The following PPARGC1A variants were observed in gnomAD, a reference collection of about 807,000 sequenced individuals.
PPARGC1A encodes the protein peroxisome proliferator-activated receptor gamma coactivator 1-alpha.
PPARGC1A carries 25 observed loss-of-function variants against 88.7 expected under a neutral mutation model. The ratio of observed to expected loss-of-function variants is 0.28; its 90% confidence interval spans 0.21 to 0.39. The LOEUF is 0.39. Among genes scored for constraint, PPARGC1A ranks in the 10% least tolerant of loss-of-function variants. The pLI is 1.00. For synonymous variants in PPARGC1A, 363 were observed against 355.6 expected, an observed-to-expected ratio of 1.02 and a Z score of -0.24; for missense variants, 880 against 968.7, an observed-to-expected ratio of 0.91 and a Z score of 1.22.
At position 23,814,394 on chromosome 4, in the gene PPARGC1A, G is replaced by A. The variant is rs756381720; in HGVS notation, c.1089C>T (p.Val363=). 6.2e-7 allele frequency: 1 copy of A among 1,613,920 alleles called. No individual in the cohort carries two copies. The highest frequency in any genetic ancestry group is 1.1e-5 in the South Asian group (1 of 91,060). Residue 363 remains valine, a synonymous_variant, in exon 8 of 13, where the codon GTC becomes GTT. Coordinates refer to ENST00000264867, the MANE Select transcript of PPARGC1A (RefSeq NM_013261.5). ...TCCTTTCCTCGTGTCCACCAGTGAG[G>A]ACTGAGGACTTGCTGAGTTGTGCAT... ...ELYAQLSKSS[V]LTGGHEERKT...
the PPARGC1A span, among the ~76,000 whole-genome samples, chr4:24,221,479 GCT>G: frequency 2.8e-4 from 43 of 152,228 alleles, no homozygotes; most frequent in African/African-American, 9.6e-4. Flanking sequence ...CAAAATCTGT[GCT>G]CTTAGTCATT....
chr4:24,221,196 G>A, the PPARGC1A span, among the ~76,000 whole-genome samples: 12 of 152,084 alleles, frequency 7.9e-5, no homozygotes, highest in South Asian at 8.3e-4. Context: ...GTTTCCCTCC[G>A]AAGAGTTCTG....
At chr4:24,050,975 C>T in the PPARGC1A span, among the ~76,000 whole-genome samples, 1 of 151,946 alleles carries the variant, frequency 6.6e-6, no homozygotes. Flanking sequence ...ATCATGAGGT[C>T]AGGAGATGGA....
chr4:23,935,899 G>A, the PPARGC1A span, among the ~76,000 whole-genome samples: 1 of 151,560 alleles, frequency 6.6e-6, no homozygotes, highest in Non-Finnish European at 1.5e-5. Context: ...TGCTAAGTTG[G>A]TTAACATCTA....
intron 2 of PPARGC1A, among the ~76,000 whole-genome samples, chr4:23,834,148 A>G (rs1725568921): frequency 6.6e-6 from 1 of 152,126 alleles, no homozygotes. Flanking sequence ...AAATACAAAA[A>G]AATTAGCCAG....
the PPARGC1A span, among the ~76,000 whole-genome samples, chr4:24,023,447 T>G: frequency 1.3e-5 from 2 of 152,164 alleles, no homozygotes; most frequent in African/African-American, 4.8e-5. Context: ...CAGAGACCAG[T>G]GGCCCCTTGG....
At chr4:23,956,809 C>A in the PPARGC1A span, among the ~76,000 whole-genome samples, 1 of 152,058 alleles carries the variant, frequency 6.6e-6, no homozygotes, top group African/African-American at 2.4e-5. Context: ...ACCAAGCTTG[C>A]CAATTTTGTC....
the PPARGC1A span, among the ~76,000 whole-genome samples, chr4:24,282,702 C>T: frequency 6.6e-6 from 1 of 152,220 alleles, no homozygotes; most frequent in Non-Finnish European, 1.5e-5. Context: ...CTCTTTCATC[C>T]AGGCACAGTC....
the PPARGC1A span, among the ~76,000 whole-genome samples, chr4:24,210,886 A>G: frequency 2.6e-5 from 4 of 152,214 alleles, no homozygotes; most frequent in African/African-American, 4.8e-5. Context: ...AGATGCAGGG[A>G]GCTCAACCCC....
At chr4:23,891,537 GA>G (rs1424172216), upstream of PPARGC1A, among the ~76,000 whole-genome samples, 3 of 152,098 alleles carry the variant, frequency 2.0e-5, no homozygotes, top group African/African-American at 4.8e-5. Flanking sequence ...AAGAACAAAA[GA>G]AACAAAATAC....
the PPARGC1A span, among the ~76,000 whole-genome samples, chr4:24,217,167 C>A: frequency 1.3e-5 from 2 of 152,176 alleles, no homozygotes; most frequent in Non-Finnish European, 2.9e-5. Flanking sequence ...TTTCTCCCAG[C>A]AATCTCAAGC....
At chr4:23,836,601 G>A (rs1049638200) in intron 2 of PPARGC1A, among the ~76,000 whole-genome samples, 2 of 152,180 alleles carry the variant, frequency 1.3e-5, no homozygotes, top group Non-Finnish European at 2.9e-5. Flanking sequence ...TCAACAAAAT[G>A]AGAAGGTTTA....
chr4:23,808,790 C>T (rs1169520016), intron 10 of PPARGC1A, among the ~76,000 whole-genome samples: 1 of 152,108 alleles, frequency 6.6e-6, no homozygotes, highest in Non-Finnish European at 1.5e-5. Context: ...TTGGCTCACT[C>T]AACTTGGGCT....
chr4:23,980,448 A>G, the PPARGC1A span, among the ~76,000 whole-genome samples: 1 of 152,138 alleles, frequency 6.6e-6, no homozygotes, highest in South Asian at 2.1e-4. Context: ...CACTATTCTG[A>G]GGATATACAT....
the PPARGC1A span, among the ~76,000 whole-genome samples, chr4:24,114,425 G>A: frequency 6.6e-6 from 1 of 152,158 alleles, no homozygotes. Flanking sequence ...GCTAGGCAAA[G>A]GTCTGGAAAA....
chr4:24,446,924 A>G, the PPARGC1A span, among the ~76,000 whole-genome samples: 1 of 152,150 alleles, frequency 6.6e-6, no homozygotes, highest in African/African-American at 2.4e-5. Context: ...CTAGAGAACT[A>G]TCTCACAACT....
At chr4:24,282,313 T>C in the PPARGC1A span, among the ~76,000 whole-genome samples, 2 of 152,222 alleles carry the variant, frequency 1.3e-5, no homozygotes, top group South Asian at 4.1e-4. Flanking sequence ...TTTGAGTCAG[T>C]GGCTCCACTT....
the PPARGC1A span, among the ~76,000 whole-genome samples, chr4:24,157,744 C>A: frequency 1.3e-5 from 2 of 152,068 alleles, no homozygotes; most frequent in African/African-American, 2.4e-5. Flanking sequence ...CTGATCCAAC[C>A]CCATCTTTCC....
chr4:23,903,290 T>C (rs1361320238), upstream of PPARGC1A, among the ~76,000 whole-genome samples: 1 of 152,250 alleles, frequency 6.6e-6, no homozygotes, highest in African/African-American at 2.4e-5. Context: ...TAAAAGGAAA[T>C]TGATTTGATG....
Sources: gnomAD v4.1 joint callset for allele counts (sites outside exome capture counted in the v4.1 genomes callset) on GRCh38, gnomAD v4.1.1 for gene constraint, MANE v1.5 for transcripts, NCBI Gene and HGNC (gene_info 2026-07-23, HGNC 2026-07-21) for gene names.